ANO10: variants seen among roughly 807,000 people sequenced by gnomAD.
The protein encoded by ANO10 is anoctamin 10, also known as anoctamin-10.
A neutral mutation model predicts 74.7 loss-of-function variants in ANO10; 77 were observed. The ratio of observed to expected loss-of-function variants is 1.03; its 90% CI spans 0.86 to 1.25. The LOEUF is 1.25. ANO10 is among the 50% of genes most tolerant of loss of function. ANO10 has a pLI of 0.00. For synonymous variants in ANO10, 279 were observed against 284.9 expected (o/e 0.98, Z 0.21); for missense variants, 721 against 778.1 (o/e 0.93, Z 0.87).
At chr3:43,460,986 AG>A (rs2075351949) in intron 11 of ANO10, among the ~76,000 whole-genome samples, 1 of 151,776 alleles carries the variant, frequency 6.6e-6, no homozygotes, top group Non-Finnish European at 1.5e-5. Context: ...AGAACTAAGA[AG>A]GGGCTAGAAA....
chr3:43,517,595 T>C (rs939913197), intron 11 of ANO10, among the ~76,000 whole-genome samples: 1 of 152,112 alleles, frequency 6.6e-6, no homozygotes, highest in Non-Finnish European at 1.5e-5. Flanking sequence ...GAATTGGTCA[T>C]GTTAGGATAT....
intron 11 of ANO10, among the ~76,000 whole-genome samples, chr3:43,547,916 T>C (rs1002261608): frequency 1.3e-5 from 2 of 152,176 alleles, no homozygotes; most frequent in Non-Finnish European, 2.9e-5. Flanking sequence ...TCATCCAGCA[T>C]TGCTCAGAAG....
intron 11 of ANO10, among the ~76,000 whole-genome samples, chr3:43,531,228 AC>A (rs1246189442): frequency 6.6e-6 from 1 of 152,206 alleles, no homozygotes; most frequent in Non-Finnish European, 1.5e-5. Flanking sequence ...GAACCAACCT[AC>A]ATTTTTAAGC....
At chr3:43,659,561 A>G (rs1431360910) in intron 1 of ANO10, among the ~76,000 whole-genome samples, 1 of 152,202 alleles carries the variant, frequency 6.6e-6, no homozygotes, top group Non-Finnish European at 1.5e-5. Flanking sequence ...CATTGTAAAC[A>G]AAGTGGTAGG....
chr3:43,629,063 G>T (rs1046085856), intron 1 of ANO10, among the ~76,000 whole-genome samples: 14 of 152,088 alleles, frequency 9.2e-5, no homozygotes, highest in Non-Finnish European at 1.5e-5. Flanking sequence ...AAACTTGCTG[G>T]TTTTGCGGCT....
At chr3:43,434,194 C>G (rs1434472458) in intron 11 of ANO10, among the ~76,000 whole-genome samples, 5 of 152,098 alleles carry the variant, frequency 3.3e-5, no homozygotes, top group Non-Finnish European at 7.4e-5. Flanking sequence ...AAGAATAGAC[C>G]AGGGACAGAC....
intron 1 of ANO10, among the ~76,000 whole-genome samples, chr3:43,689,732 A>G (rs969781035): frequency 1.3e-5 from 2 of 152,222 alleles, no homozygotes; most frequent in African/African-American, 4.8e-5. Flanking sequence ...GGTGATAAAG[A>G]CAGGTTTACA....
chr3:43,450,540 T>C (rs561353298), intron 11 of ANO10, among the ~76,000 whole-genome samples: 13 of 152,060 alleles, frequency 8.5e-5, no homozygotes, highest in African/African-American at 2.9e-4. Flanking sequence ...AAATTCCATC[T>C]CAAAAAAAGA....
intron 3 of ANO10, among the ~76,000 whole-genome samples, chr3:43,600,147 T>C (rs1254691835): frequency 2.0e-5 from 3 of 152,240 alleles, no homozygotes; most frequent in Non-Finnish European, 4.4e-5. Flanking sequence ...CATGGTTTTA[T>C]AAATACAGTT....
At chr3:43,469,923 A>T (rs1236119028) in intron 11 of ANO10, among the ~76,000 whole-genome samples, 1 of 152,242 alleles carries the variant, frequency 6.6e-6, no homozygotes, top group Non-Finnish European at 1.5e-5. Context: ...GTCAGGAAAC[A>T]TTCTTGGACA....
intron 11 of ANO10, among the ~76,000 whole-genome samples, chr3:43,463,304 C>T (rs1020238372): frequency 6.6e-6 from 1 of 152,228 alleles, no homozygotes; most frequent in South Asian, 2.1e-4. Flanking sequence ...GCTGCTCTTG[C>T]ATCATCGTTA....
intron 11 of ANO10, among the ~76,000 whole-genome samples, chr3:43,536,995 CAAAAAAAAAA>C (rs5848666): frequency 3.8e-5 from 3 of 78,618 alleles, no homozygotes; most frequent in African/African-American, 1.5e-4. Flanking sequence ...TTTCATCACT[CAAAAAAAAAA>C]AAAAAAAAAA....
intron 1 of ANO10, among the ~76,000 whole-genome samples, chr3:43,628,668 T>A (rs1281056727): frequency 6.6e-6 from 1 of 152,216 alleles, no homozygotes; most frequent in African/African-American, 2.4e-5. Context: ...GCAAGAAACA[T>A]CCCTGGGAAA....
intron 1 of ANO10, among the ~76,000 whole-genome samples, chr3:43,657,729 C>T (rs992331034): frequency 6.6e-6 from 1 of 152,184 alleles, no homozygotes; most frequent in Non-Finnish European, 1.5e-5. Context: ...AGCCTCCTAG[C>T]CATTCTGTCA....
At chr3:43,615,144 T>A (rs1051959076) in intron 1 of ANO10, among the ~76,000 whole-genome samples, 7 of 152,104 alleles carry the variant, frequency 4.6e-5, no homozygotes, top group African/African-American at 1.7e-4. Flanking sequence ...CACATGCAAA[T>A]GTACACTGTA....
rs926487903 is a variant in ANO10 at position 43,576,757 on chromosome 3, T to C, written c.1097A>G (p.Tyr366Cys). ...ATTCATGATCTCAATCACAATGGCA[T>C]AGATGATGCTGGGCACATACAACAG... ...SVLLYVPSII[Y>C]AIVIEIMNRL... The change falls in exon 6 of 13, where the codon TAT (tyrosine) becomes TGT (cysteine). Residue 366 changes from tyrosine (Y) to cysteine (C), a missense_variant. Transcript: ENST00000292246. The C allele has an allele frequency of 1.2e-6, 2 of 1,614,172 alleles. No individual in the cohort carries two copies. Among genetic ancestry groups the C allele is most frequent in the Non-Finnish European group, 1.7e-6 (2 of 1,180,030 alleles).
intron 12 of ANO10, among the ~76,000 whole-genome samples, chr3:43,371,587 G>A (rs2091613394): frequency 6.6e-6 from 1 of 152,216 alleles, no homozygotes; most frequent in Non-Finnish European, 1.5e-5. Flanking sequence ...CACCCTCCAA[G>A]TCTCCCTGAG....
intron 11 of ANO10, among the ~76,000 whole-genome samples, chr3:43,469,063 GA>G (rs2075750156): frequency 1.6e-5 from 1 of 63,286 alleles, no homozygotes; most frequent in South Asian, 5.9e-4. Context: ...TTTTTTTTGA[GA>G]TGGAGTCTTG....
At chr3:43,689,771 A>G (rs1419673687) in intron 1 of ANO10, among the ~76,000 whole-genome samples, 2 of 152,194 alleles carry the variant, frequency 1.3e-5, no homozygotes, top group Admixed American at 1.3e-4. Context: ...AAAAAGAGGG[A>G]GGAGAGTCAG....
Sources: gnomAD v4.1 joint callset for allele counts (sites outside exome capture counted in the v4.1 genomes callset) on GRCh38, gnomAD v4.1.1 for gene constraint, MANE v1.5 for transcripts, NCBI Gene and HGNC (gene_info 2026-07-23, HGNC 2026-07-21) for gene names.